PRTG: variants seen among roughly 807,000 people sequenced by gnomAD.
PRTG encodes immunoglobulin superfamily, DCC subclass, member 5.
PRTG carries 67 observed loss-of-function variants against 122.5 expected under a neutral mutation model. The ratio of observed to expected loss-of-function variants is 0.55; its 90% CI spans 0.45 to 0.67. The LOEUF is 0.67. Ranked by LOEUF, PRTG falls within the 30% of genes least tolerant of loss-of-function variation. The pLI is 0.00. For synonymous variants in PRTG, 554 were observed against 501.1 expected (o/e 1.11, Z -1.41); for missense variants, 1,435 against 1,415.4 (o/e 1.01, Z -0.22).
chr15:55,711,432 T>C (rs2030383658), intron 2 of PRTG, among the ~76,000 whole-genome samples: 1 of 152,146 alleles, frequency 6.6e-6, no homozygotes, highest in Non-Finnish European at 1.5e-5. Context: ...ATTTTGCAGT[T>C]TCTCCCCATT....
At chr15:55,625,891 G>A (rs190652555) in intron 17 of PRTG, among the ~76,000 whole-genome samples, 9 of 152,162 alleles carry the variant, frequency 5.9e-5, no homozygotes, top group African/African-American at 2.2e-4. Context: ...CCCAAGTGCT[G>A]GGATTACAGG....
intron 11 of PRTG, among the ~76,000 whole-genome samples, chr15:55,662,664 A>T (rs1255114259): frequency 1.3e-5 from 2 of 152,076 alleles, no homozygotes; most frequent in African/African-American, 2.4e-5. Flanking sequence ...ATTTTTTTTT[A>T]AAAGGGACTC....
rs866018500 is a variant in PRTG, at chr15:55,629,405, G to A, written c.2624-401C>T. Among the ~76,000 whole-genome samples, 469 of 115,968 alleles carry A rather than the reference G, an allele frequency of 4.0e-3. 1 individual carries two copies. The highest frequency in any genetic ancestry group is 0.017 in the African/African-American group (421 of 24,300). 76.1% of individuals were successfully genotyped at this position (115,968 alleles called of 152,430 possible). On this transcript the variant is annotated intron_variant, in intron 15 of 19. Transcript: ENST00000389286. ...TGTGTGTGTGTGTGTGTGTGTGTGT[G>A]TGTGTGTGTGTGTGTGTGTGTGTGT...
At chr15:55,651,471 G>A (rs1223194278) in intron 11 of PRTG, among the ~76,000 whole-genome samples, 11 of 152,216 alleles carry the variant, frequency 7.2e-5, no homozygotes, top group African/African-American at 2.4e-4. Flanking sequence ...TCGCTGAGTA[G>A]GAAGCTTCTA....
intron 11 of PRTG, among the ~76,000 whole-genome samples, chr15:55,668,077 T>A (rs78528603): frequency 0.013 from 1,989 of 152,268 alleles, 18 homozygotes; most frequent in Middle Eastern, 0.037. Context: ...GACAGTGAGA[T>A]TACGTCTCAA....
chr15:55,737,706 A>G (rs1218234234), intron 2 of PRTG, among the ~76,000 whole-genome samples: 4 of 152,128 alleles, frequency 2.6e-5, no homozygotes, highest in Non-Finnish European at 5.9e-5. Context: ...ATTCTTGCCT[A>G]GAGTGCAACT....
At chr15:55,675,772 T>C in intron 8 of PRTG, 89 bp from the exon 9 acceptor site, 1 of 713,806 alleles carries the variant, frequency 1.4e-6, no homozygotes, top group Non-Finnish European at 2.3e-6. Context: ...CACTGGTCCT[T>C]GGGTCTAATC....
chr15:55,612,113 T>C lies in PRTG; in HGVS notation c.*7899A>G, dbSNP rs1056981585. On this transcript the variant is annotated 3_prime_UTR_variant, in exon 20 of 20. Transcript: ENST00000389286. ...TAACATATGTCCTCTACTCTACTGA[T>C]AGGCTAAGGCAATGTGTGTGTATTC... 6.6e-6 allele frequency: 1 copy of C among 152,112 alleles called. No homozygotes were observed. Among genetic ancestry groups the C allele is most frequent in the Admixed American group, 6.5e-5 (1 of 15,272 alleles). The allele number at this position is 152,112 out of a possible 1,614,324, so 9.4% of individuals were successfully genotyped here.
chr15:55,637,721 C>A (rs1265230568), intron 14 of PRTG, among the ~76,000 whole-genome samples: 3 of 151,912 alleles, frequency 2.0e-5, no homozygotes, highest in African/African-American at 7.3e-5. Context: ...ATCAACTTAA[C>A]CTGATCTAGG....
intron 18 of PRTG, among the ~76,000 whole-genome samples, chr15:55,623,566 T>TA (rs980844298): frequency 2.7e-4 from 40 of 150,684 alleles, no homozygotes; most frequent in African/African-American, 8.8e-4. Flanking sequence ...AACTCCATCT[T>TA]AAAAAAAAAG....
intron 11 of PRTG, among the ~76,000 whole-genome samples, chr15:55,646,173 G>GTTTT (rs545958068): frequency 8.0e-6 from 1 of 124,342 alleles, no homozygotes. Flanking sequence ...TGCCCAGCTA[G>GTTTT]TTTTTTTTTT....
At chr15:55,638,080 G>T (rs948965382) in intron 14 of PRTG, among the ~76,000 whole-genome samples, 1 of 152,094 alleles carries the variant, frequency 6.6e-6, no homozygotes, top group Non-Finnish European at 1.5e-5. Flanking sequence ...GAAAATGTTG[G>T]TCTAGAGACA....
chr15:55,703,722 C>T (rs570596318), intron 2 of PRTG, among the ~76,000 whole-genome samples: 1 of 152,268 alleles, frequency 6.6e-6, no homozygotes, highest in Non-Finnish European at 1.5e-5. Flanking sequence ...ATTCACTTTG[C>T]CTATTACATC....
intron 15 of PRTG, among the ~76,000 whole-genome samples, chr15:55,633,556 A>G (rs2059239512): frequency 1.3e-5 from 2 of 152,216 alleles, no homozygotes; most frequent in African/African-American, 4.8e-5. Context: ...GATTAAATAT[A>G]TATGTAAATA....
intron 11 of PRTG, among the ~76,000 whole-genome samples, chr15:55,648,364 C>T (rs1393709536): frequency 6.6e-6 from 1 of 152,156 alleles, no homozygotes; most frequent in African/African-American, 2.4e-5. Context: ...AAGTTGTACT[C>T]GTCAACAACT....
At chr15:55,731,363 AT>A (rs1284908143) in intron 2 of PRTG, among the ~76,000 whole-genome samples, 1 of 112,942 alleles carries the variant, frequency 8.9e-6, no homozygotes, top group Non-Finnish European at 1.7e-5. Flanking sequence ...ACACCTTATC[AT>A]TCTTTTTTTT....
chr15:55,665,547 TTTC>T (rs1253730654), intron 11 of PRTG, among the ~76,000 whole-genome samples: 3 of 151,286 alleles, frequency 2.0e-5, no homozygotes, highest in African/African-American at 7.3e-5. Context: ...AAAAAAATTT[TTTC>T]TTTTTTTTTT....
intron 18 of PRTG, among the ~76,000 whole-genome samples, chr15:55,623,044 C>T (rs2059175483): frequency 6.6e-6 from 1 of 152,054 alleles, no homozygotes; most frequent in South Asian, 2.1e-4. Flanking sequence ...AAGTAAATTA[C>T]ATCTGTTGAA....
chr15:55,717,809 T>C (rs780360163), intron 2 of PRTG, among the ~76,000 whole-genome samples: 2 of 152,230 alleles, frequency 1.3e-5, no homozygotes, highest in African/African-American at 2.4e-5. Flanking sequence ...AAACACACTT[T>C]GTAGGCTGAC....
Sources: gnomAD v4.1 joint callset for allele counts (sites outside exome capture counted in the v4.1 genomes callset) on GRCh38, gnomAD v4.1.1 for gene constraint, MANE v1.5 for transcripts, NCBI Gene and HGNC (gene_info 2026-07-23, HGNC 2026-07-21) for gene names.